NCL: variants seen among roughly 807,000 people sequenced by gnomAD.
NCL encodes the protein nucleolin multifunctional protein.
A neutral mutation model predicts 77.7 loss-of-function variants in NCL; 4 were observed. The ratio of observed to expected loss-of-function variants is 0.05; its 90% confidence interval spans 0.03 to 0.12. The LOEUF is 0.12. Among genes scored for constraint, NCL ranks in the 10% least tolerant of loss-of-function variants. The probability of loss-of-function intolerance (pLI) is 1.00; values close to 1 mark genes in which losing one functional copy is unlikely to be tolerated. For synonymous variants in NCL, 344 were observed against 297.8 expected (o/e 1.16, Z -1.60); for missense variants, 763 against 860.9 (o/e 0.89, Z 1.42).
In NCL at chr2:231,454,384, G is replaced by C. The variant is rs145159528; in HGVS notation, c.*807C>G. ...TGGTCTTCAACTCCTGACCTCAGTTGATCTGCCTGCCTCGGCCTCCCCAAG... is the reference window on the plus strand; with the variant it reads ...TGGTCTTCAACTCCTGACCTCAGTTCATCTGCCTGCCTCGGCCTCCCCAAG... On this transcript the variant is annotated 3_prime_UTR_variant, in exon 14 of 14. Coordinates refer to ENST00000322723, the MANE Select transcript of NCL (RefSeq NM_005381.3). 1 of 152,404 alleles carries C rather than the reference G, an allele frequency of 6.6e-6. No homozygotes were observed. The highest frequency in any genetic ancestry group is 1.5e-5 in the Non-Finnish European group (1 of 68,122). The allele number at this position is 152,404 out of a possible 1,614,324, so 9.4% of individuals were successfully genotyped here. A position where few individuals can be genotyped will look rare whatever the true frequency, so the allele number is the denominator to read the frequency against.
chr2:231,460,753 C>T lies in NCL; in HGVS notation c.727G>A (p.Glu243Lys), dbSNP rs1440327780. Residue 243 changes from glutamate to lysine, a missense_variant, in exon 4 of 14, where the codon GAG (glutamate) becomes AAG (lysine). Physicochemically the swap from Glu to Lys is moderately conservative, Grantham distance 56 (BLOSUM62 1). This residue lies in a region of NCL where 590 missense variants were observed against 570.5 expected (regional missense o/e 1.03). Transcript: ENST00000322723. ...TCGTCGTCGTCGTCATCCTCGTCCT[C>T]ATCATCCTCTTCTTCATCTTCATCC... ...AEDEDEEEDD[E>K]DEDDDDDEDD... The T allele has an allele frequency of 1.9e-6, 3 of 1,613,456 alleles. No individual in the cohort carries two copies. The highest frequency in any genetic ancestry group is 2.5e-6 in the Non-Finnish European group (3 of 1,179,480).
Position 231,461,861 on chromosome 2 carries a change from C to A in NCL, c.292G>T (p.Val98Phe). Residue 98 changes from valine (V) to phenylalanine (F), a missense_variant, in exon 3 of 14, where the codon GTT (valine) becomes TTT (phenylalanine). Val to Phe is a conservative substitution (Grantham distance 50, BLOSUM62 -1). Around this residue, in one of 2 missense-constraint regions of NCL, gnomAD observed 590 missense variants for 570.5 expected, o/e 1.03. Coordinates refer to ENST00000322723, the MANE Select transcript of NCL (RefSeq NM_005381.3). ...KAAATPAKKT[V>F]TPAKAVTTPG... is the part of the protein sequence containing the mutation. Reference sequence around the variant, plus strand: ...GTGGTAACTGCTTTGGCTGGTGTAACTGTCTTCTTGGCAGGTGTTGCTGCT... The same window carrying A: ...GTGGTAACTGCTTTGGCTGGTGTAAATGTCTTCTTGGCAGGTGTTGCTGCT... The A allele has an allele frequency of 6.2e-7, 1 of 1,614,220 alleles. No homozygotes were observed.
chr2:231,464,037 G>A, intron 1 of NCL: 1 of 1,085,382 alleles, frequency 9.2e-7, no homozygotes. Context: ...GTCCCAGCTC[G>A]TACGCGTCGC....
intron 2 of NCL, among the ~76,000 whole-genome samples, chr2:231,462,787 G>GT (rs1031980279): frequency 4.6e-5 from 7 of 152,170 alleles, no homozygotes; most frequent in African/African-American, 1.7e-4. Flanking sequence ...ACAGTGAGTA[G>GT]TATTACAAAG....
At chr2:231,462,590 T>C (rs767367189) in intron 2 of NCL, 3 of 512,758 alleles carry the variant, frequency 5.9e-6, no homozygotes, top group Non-Finnish European at 1.2e-5. Flanking sequence ...TAAAATCCCG[T>C]AGTTTTATCA....
intron 6 of NCL, 36 bp from the exon 7 acceptor site, chr2:231,459,161 T>G: frequency 2.6e-6 from 4 of 1,510,200 alleles, no homozygotes; most frequent in Non-Finnish European, 3.5e-6. Context: ...TTACAACAGG[T>G]GAAAACACAA....
chr2:231,457,873 G>T, intron 8 of NCL, 73 bp from the exon 9 acceptor site: 2 of 1,362,826 alleles, frequency 1.5e-6, no homozygotes, highest in Non-Finnish European at 2.0e-6. Context: ...CAGCAACACA[G>T]AACTTGCTTC....
At chr2:231,455,343 AGGG>A in intron 13 of NCL, 55 bp downstream of exon 13, 1 of 1,613,440 alleles carries the variant, frequency 6.2e-7, no homozygotes, top group South Asian at 1.1e-5. Context: ...GAACCGTGAC[AGGG>A]CACAGGGTCT....
At position 231,463,165 on chromosome 2, in the gene NCL, T is replaced by TTA. The variant is rs765101098; in HGVS notation, c.135+33_135+34dup. 5 of 1,451,496 alleles carry TTA rather than the reference T, an allele frequency of 3.4e-6. No homozygotes were observed. The African/African-American group carries it at 5.7e-5, about 17-fold the overall frequency. 89.9% of individuals were successfully genotyped at this position (1,451,496 alleles called of 1,614,324 possible). On this transcript the variant is annotated intron_variant, in intron 2 of 13. Transcript: ENST00000322723. Reference sequence around the variant, plus strand: ...TGTCTTAACTCTCCATTTTGTAGTTTTAACATAATTCTGCATTAAGTTGGA... The same window carrying TTA: ...TGTCTTAACTCTCCATTTTGTAGTTTTATAACATAATTCTGCATTAAGTTGGA...
intron 2 of NCL, chr2:231,462,562 G>A (rs115288824): frequency 0.011 from 5,754 of 515,948 alleles, 51 homozygotes; most frequent in Non-Finnish European, 0.017. Context: ...TTTGATAAAA[G>A]TCATCATTTA....
chr2:231,455,986 A>G (rs1194810246), intron 12 of NCL, 24 bp downstream of exon 12: 2 of 1,614,200 alleles, frequency 1.2e-6, no homozygotes, highest in South Asian at 2.2e-5. Flanking sequence ...AAGTGGAAGC[A>G]GCACTCACGC....
intron 11 of NCL, 33 bp downstream of exon 11, chr2:231,456,583 ACCGAGAGTGCTACCC>A: frequency 6.2e-7 from 1 of 1,611,090 alleles, no homozygotes; most frequent in Non-Finnish European, 8.5e-7. Flanking sequence ...TAAACAAAGC[ACCGAGAGTGCTACCC>A]CCAACCACAG....
rs1420656031 is a variant in NCL at position 231,456,714 on chromosome 2, T to C, written c.1622A>G (p.Asn541Ser). 3 of 1,614,036 alleles carry C rather than the reference T, an allele frequency of 1.9e-6. No homozygotes were observed. The highest frequency in any genetic ancestry group is 1.7e-5 in the Admixed American group (1 of 60,004). ...CTCAATTTCCCTTTTATTACAGGAATTTAAAGCTTCTTTAGCGTCTTCGAA... is the reference window on the plus strand; with the variant it reads ...CTCAATTTCCCTTTTATTACAGGAACTTAAAGCTTCTTTAGCGTCTTCGAA... The part of the protein sequence containing the change: ...ASFEDAKEAL[N>S]SCNKREIEGR... The change falls in exon 11 of 14, where the codon AAT becomes AGT. Residue 541 changes from asparagine (N) to serine (S), a missense_variant. Physicochemically the swap from Asn to Ser is conservative, Grantham distance 46. Coordinates refer to ENST00000322723, the MANE Select transcript of NCL (RefSeq NM_005381.3).
chr2:231,455,312 C>T (rs1011149127), intron 13 of NCL, 45 bp from the exon 14 acceptor site: 3 of 1,613,614 alleles, frequency 1.9e-6, no homozygotes, highest in Non-Finnish European at 8.5e-7. Flanking sequence ...GGGTACAAAG[C>T]TCCTCCTCCC....
chr2:231,458,095 A>T (rs1261353267), intron 8 of NCL, among the ~76,000 whole-genome samples, 171 bp downstream of exon 8: 1 of 152,128 alleles, frequency 6.6e-6, no homozygotes, highest in East Asian at 1.9e-4. Context: ...TTTTAAAATC[A>T]CCCTATGAGT....
Position 231,459,113 on chromosome 2 carries a change from A to G in NCL, c.1053T>C (p.Tyr351=), listed in dbSNP as rs1177870327. 7 of 1,577,170 alleles carry G rather than the reference A, an allele frequency of 4.4e-6. No individual in the cohort carries two copies. In the South Asian group the frequency reaches 6.0e-5, roughly 13 times the overall value. The change falls in exon 7 of 14, where the codon TAT becomes TAC. Residue 351 remains tyrosine, a synonymous_variant. Transcript: ENST00000322723. ...VRIGMTRKFG[Y]VDFESAEDLE... The stretch of plus-strand genomic sequence containing the variant: ...GGTCTTCAGCAGATTCAAAATCCAC[A>G]TAACCAAATTTCCTTCAAGGTGGAG...
chr2:231,458,245 A>T (rs748365156), intron 8 of NCL, 21 bp downstream of exon 8: 66 of 1,597,990 alleles, frequency 4.1e-5, no homozygotes, highest in Non-Finnish European at 5.4e-5. Flanking sequence ...AAACCCTTAC[A>T]TTTCAATAGA....
In NCL at chr2:231,462,010, A is replaced by G. The variant is rs1171335936; in HGVS notation, c.143T>C (p.Ile48Thr). Residue 48 changes from isoleucine to threonine, a missense_variant, in exon 3 of 14, where the codon ATA (isoleucine) becomes ACA (threonine). Around this residue, in one of 2 missense-constraint regions of NCL, gnomAD observed 590 missense variants for 570.5 expected, o/e 1.03. Coordinates refer to ENST00000322723, the MANE Select transcript of NCL (RefSeq NM_005381.3). ...EDDSSGEEVV[I>T]PQKKGKKAAA... ...AGCCTTCTTGCCTTTCTTCTGAGGT[A>G]TGACGACCTTGAGAATAAATGAAAA... The G allele has an allele frequency of 9.9e-6, 16 of 1,613,850 alleles. No homozygotes were observed. The highest frequency in any genetic ancestry group is 1.4e-5 in the Non-Finnish European group (16 of 1,180,028).
rs781180072 is a variant in NCL, at chr2:231,464,392, G to A, written c.-39C>T. On this transcript the variant is annotated 5_prime_UTR_variant, in exon 1 of 14. Coordinates refer to ENST00000322723, the MANE Select transcript of NCL (RefSeq NM_005381.3). Reference sequence around the variant, plus strand: ...TGTGAAGCGGACAAGTGGCGCAGATGAGTCCAGAAGAAGCCAAGCGACGGC... The same window carrying A: ...TGTGAAGCGGACAAGTGGCGCAGATAAGTCCAGAAGAAGCCAAGCGACGGC... 2.8e-5 allele frequency: 45 copies of A among 1,594,214 alleles called. No homozygotes were observed. Among genetic ancestry groups the A allele is most frequent in the African/African-American group, 4.0e-5 (3 of 74,464 alleles).
Sources: gnomAD v4.1 joint callset for allele counts (sites outside exome capture counted in the v4.1 genomes callset) on GRCh38, gnomAD v4.1.1 for gene constraint, gnomAD v4.1.1 regional missense constraint, MANE v1.5 for transcripts, NCBI Gene and HGNC (gene_info 2026-07-23, HGNC 2026-07-21) for gene names.